The following LYRM4 variants were observed in gnomAD, a reference collection of about 807,000 sequenced individuals.
LYRM4 encodes the protein LYR motif containing 4.
In LYRM4, 9 loss-of-function variants were observed where a neutral mutation model predicts 11.7. That is an observed-to-expected ratio of 0.77 (90% confidence interval 0.46 to 1.34). The LOEUF (loss-of-function observed/expected upper bound fraction) is 1.34. LYRM4 is among the 40% of genes most tolerant of loss of function. The pLI is 0.00. For missense variants in LYRM4, 133 were observed against 112.5 expected (o/e 1.18, Z -0.82); for synonymous variants, 42 against 40.4 (o/e 1.04, Z -0.15).
intron 2 of LYRM4, among the ~76,000 whole-genome samples, chr6:5,114,694 T>C (rs570685331): frequency 6.6e-6 from 1 of 151,822 alleles, no homozygotes; most frequent in South Asian, 2.1e-4. Flanking sequence ...AGAATTGTCT[T>C]GGGCCACACA....
At chr6:5,125,255 C>T (rs76820180) in intron 2 of LYRM4, among the ~76,000 whole-genome samples, 2,115 of 152,296 alleles carry the variant, frequency 0.014, 11 homozygotes, top group Non-Finnish European at 0.022. Flanking sequence ...TGGCTCACTC[C>T]TACGGAATCC....
At chr6:5,060,708 A>G in the LYRM4 span, among the ~76,000 whole-genome samples, 1 of 152,104 alleles carries the variant, frequency 6.6e-6, no homozygotes, top group African/African-American at 2.4e-5. Flanking sequence ...TTGTATTTTT[A>G]GTAGACACGG....
intron 1 of LYRM4, among the ~76,000 whole-genome samples, chr6:5,257,680 T>C (rs1479375487): frequency 6.6e-6 from 1 of 152,164 alleles, no homozygotes; most frequent in East Asian, 1.9e-4. Context: ...TTGTGAACTG[T>C]GCATGTGAGT....
At position 5,209,013 on chromosome 6, in the gene LYRM4, T is replaced by C. The variant is rs143940413; in HGVS notation, c.207+7605A>G. Among the ~76,000 whole-genome samples the C allele has an allele frequency of 9.7e-3, 1,474 of 152,284 alleles. 28 individuals carry two copies. Among genetic ancestry groups the C allele is most frequent in the African/African-American group, 0.032 (1,340 of 41,546 alleles). On this transcript the variant is annotated intron_variant, in intron 2 of 2. Transcript: ENST00000330636. ...GTCATTGTATATAAATTCATGTTGC[T>C]TTCCTGAGGATTTTTATTGAAGTCC... is the stretch of plus-strand genomic sequence containing the variant.
At position 5,242,526 on chromosome 6, in the gene LYRM4, C is replaced by A. The variant is rs1174885605; in HGVS notation, c.86+18122G>T. Among the ~76,000 whole-genome samples, 7 of 151,270 alleles carry A rather than the reference C, an allele frequency of 4.6e-5. No homozygotes were observed. In the East Asian group the frequency reaches 1.3e-3, roughly 27 times the overall value. On this transcript the variant is annotated intron_variant, in intron 1 of 2. Coordinates refer to ENST00000330636, the MANE Select transcript of LYRM4 (RefSeq NM_020408.6). ...CCTGAGGTCAGGAGTTCGAGACCAG[C>A]CTGACCAACATGGTAAAACCCCCAA...
chr6:5,156,212 G>A (rs1268015944), intron 2 of LYRM4, among the ~76,000 whole-genome samples: 1 of 152,204 alleles, frequency 6.6e-6, no homozygotes, highest in South Asian at 2.1e-4. Flanking sequence ...CAAGGCAGCC[G>A]TTCATGAAGC....
chr6:5,076,958 G>A, the LYRM4 span, among the ~76,000 whole-genome samples: 3 of 152,212 alleles, frequency 2.0e-5, no homozygotes, highest in South Asian at 4.1e-4. Flanking sequence ...GGGAACAAGA[G>A]AGGCCATATC....
intron 2 of LYRM4, among the ~76,000 whole-genome samples, chr6:5,208,684 C>T (rs1200167245): frequency 6.6e-6 from 1 of 152,204 alleles, no homozygotes; most frequent in Non-Finnish European, 1.5e-5. Flanking sequence ...ATTCCTTCCA[C>T]AGGAACGCCA....
intron 2 of LYRM4, among the ~76,000 whole-genome samples, chr6:5,111,811 T>C (rs1762895532): frequency 6.6e-6 from 1 of 152,206 alleles, no homozygotes; most frequent in Non-Finnish European, 1.5e-5. Flanking sequence ...CCACTTGCCA[T>C]GTGAGACTCT....
At chr6:5,176,604 C>A (rs551381227) in intron 2 of LYRM4, among the ~76,000 whole-genome samples, 53 of 152,256 alleles carry the variant, frequency 3.5e-4, no homozygotes, top group African/African-American at 1.3e-3. Context: ...ATAGACTGCA[C>A]CCTGATGAGC....
intron 2 of LYRM4, among the ~76,000 whole-genome samples, chr6:5,133,733 A>G (rs1764061713): frequency 6.6e-6 from 1 of 152,204 alleles, no homozygotes; most frequent in African/African-American, 2.4e-5. Flanking sequence ...CATCACCCCC[A>G]AAAGGAAACC....
At chr6:5,209,686 G>A (rs980387097) in intron 2 of LYRM4, among the ~76,000 whole-genome samples, 4 of 152,092 alleles carry the variant, frequency 2.6e-5, no homozygotes, top group Non-Finnish European at 5.9e-5. Flanking sequence ...ATAATTATAC[G>A]GCATAGAATG....
chr6:5,112,580 C>T (rs441482), intron 2 of LYRM4, among the ~76,000 whole-genome samples: 93,185 of 152,134 alleles, frequency 0.61, 29,325 homozygotes, highest in East Asian at 0.92. Flanking sequence ...GCACCTCCTG[C>T]TCCAGGCACC....
intron 2 of LYRM4, among the ~76,000 whole-genome samples, chr6:5,184,641 A>G (rs903966665): frequency 2.2e-4 from 33 of 152,348 alleles, no homozygotes; most frequent in Non-Finnish European, 3.1e-4. Context: ...GCAGCTCATG[A>G]GTTCATGCTT....
chr6:5,260,152 A>T (rs7771066), intron 1 of LYRM4, among the ~76,000 whole-genome samples: 14,373 of 152,136 alleles, frequency 0.094, 877 homozygotes, highest in African/African-American at 0.17. Flanking sequence ...AATAGAATGG[A>T]TTCTTGCAAC....
At chr6:5,201,585 C>A (rs1761396500) in intron 2 of LYRM4, among the ~76,000 whole-genome samples, 1 of 152,088 alleles carries the variant, frequency 6.6e-6, no homozygotes, top group Non-Finnish European at 1.5e-5. Flanking sequence ...CCAGAGGGAA[C>A]CATCTGTCTT....
chr6:5,124,056 G>A (rs560341555), intron 2 of LYRM4, among the ~76,000 whole-genome samples: 1 of 152,246 alleles, frequency 6.6e-6, no homozygotes, highest in South Asian at 2.1e-4. Flanking sequence ...CCAGGGCCGT[G>A]GAGAGGGCGG....
chr6:5,242,368 G>A (rs536431939), intron 1 of LYRM4, among the ~76,000 whole-genome samples: 2 of 137,176 alleles, frequency 1.5e-5, no homozygotes, highest in South Asian at 2.3e-4. Flanking sequence ...CACTGCGCCC[G>A]GCCACTTATA....
At chr6:5,229,484 G>GA (rs1359213588) in intron 1 of LYRM4, among the ~76,000 whole-genome samples, 1 of 151,506 alleles carries the variant, frequency 6.6e-6, no homozygotes, top group Non-Finnish European at 1.5e-5. Context: ...AAGAGGGAGA[G>GA]AAGAACTCTC....
Sources: gnomAD v4.1 joint callset for allele counts (sites outside exome capture counted in the v4.1 genomes callset) on GRCh38, gnomAD v4.1.1 for gene constraint, MANE v1.5 for transcripts, NCBI Gene and HGNC (gene_info 2026-07-23, HGNC 2026-07-21) for gene names.